The following MTX2 variants were observed in gnomAD, a reference collection of about 807,000 sequenced individuals.
MTX2 encodes the protein metaxin-2.
A neutral mutation model predicts 42.3 loss-of-function variants in MTX2; 35 were observed. The ratio of observed to expected loss-of-function variants is 0.83; its 90% CI spans 0.63 to 1.10. The LOEUF is 1.10. Among genes scored for constraint, MTX2 ranks in the 50% least tolerant of loss-of-function variants. The pLI, the probability that MTX2 is intolerant of heterozygous loss-of-function variation, is 0.00. For synonymous variants in MTX2, 119 were observed against 100.9 expected (o/e 1.18, Z -1.08); for missense variants, 307 against 304.1 (o/e 1.01, Z -0.07).
intron 1 of MTX2, among the ~76,000 whole-genome samples, chr2:176,281,909 A>G (rs1268918453): frequency 6.6e-6 from 1 of 152,080 alleles, no homozygotes; most frequent in East Asian, 1.9e-4. Flanking sequence ...ATTCTCACCA[A>G]AGGCCTATCA....
chr2:176,306,100 T>G (rs1684137433), intron 3 of MTX2, among the ~76,000 whole-genome samples: 1 of 151,644 alleles, frequency 6.6e-6, no homozygotes, highest in Non-Finnish European at 1.5e-5. Context: ...GTGTGTGATG[T>G]TCCCTGCCCT....
intron 1 of MTX2, among the ~76,000 whole-genome samples, chr2:176,294,788 C>G (rs1489638511): frequency 2.0e-5 from 3 of 152,110 alleles, no homozygotes; most frequent in Non-Finnish European, 4.4e-5. Flanking sequence ...TTGTAAAAGC[C>G]AGAAAACATC....
At chr2:176,323,905 T>C (rs1172232112) in intron 4 of MTX2, among the ~76,000 whole-genome samples, 1 of 151,680 alleles carries the variant, frequency 6.6e-6, no homozygotes, top group African/African-American at 2.4e-5. Context: ...TGTCGTTAGA[T>C]CTTGAAGTCA....
At chr2:176,298,726 G>A (rs1683952357) in intron 3 of MTX2, among the ~76,000 whole-genome samples, 1 of 152,108 alleles carries the variant, frequency 6.6e-6, no homozygotes, top group Non-Finnish European at 1.5e-5. Flanking sequence ...GATAACCAAT[G>A]TAAAAGTAAA....
chr2:176,294,491 G>C (rs948802533), intron 1 of MTX2, among the ~76,000 whole-genome samples: 2 of 152,012 alleles, frequency 1.3e-5, no homozygotes, highest in Admixed American at 1.3e-4. Flanking sequence ...TGGCCAGGCT[G>C]GTCTTGAACT....
intron 4 of MTX2, among the ~76,000 whole-genome samples, chr2:176,324,808 A>G (rs1445571154): frequency 6.6e-6 from 1 of 151,782 alleles, no homozygotes; most frequent in Non-Finnish European, 1.5e-5. Context: ...CTTTCATAGG[A>G]GTCTCCTATA....
chr2:176,310,073 C>T (rs778319393), intron 3 of MTX2, among the ~76,000 whole-genome samples: 68 of 152,068 alleles, frequency 4.5e-4, no homozygotes, highest in Non-Finnish European at 5.7e-4. Context: ...TTAGTGCTTC[C>T]TTCAGGAGCT....
chr2:176,300,356 G>T (rs1683991590), intron 3 of MTX2, among the ~76,000 whole-genome samples: 1 of 151,934 alleles, frequency 6.6e-6, no homozygotes, highest in South Asian at 2.1e-4. Flanking sequence ...AAAAGAAATT[G>T]GCAAAATGTA....
At chr2:176,303,178 C>T (rs925951573) in intron 3 of MTX2, among the ~76,000 whole-genome samples, 6 of 151,978 alleles carry the variant, frequency 3.9e-5, no homozygotes, top group Admixed American at 2.0e-4. Context: ...AGTAGGATGA[C>T]ATGAGTGGAC....
Position 176,330,293 on chromosome 2 carries a change from C to T in MTX2, c.544-291C>T, listed in dbSNP as rs1214842330. ...TTAAATGTACTTGTATTTTGAAGGACATTCACTGAGAATTTCTTCCTATTT... is the reference window on the plus strand; with the variant it reads ...TTAAATGTACTTGTATTTTGAAGGATATTCACTGAGAATTTCTTCCTATTT... On this transcript the variant is annotated intron_variant, in intron 8 of 9. Transcript: ENST00000249442. Among the ~76,000 whole-genome samples, 14 of 150,162 alleles carry T rather than the reference C, an allele frequency of 9.3e-5. No individual in the cohort carries two copies. The Admixed American group carries it at 9.3e-4, about 10-fold the overall frequency.
At chr2:176,297,492 G>A (rs1227772551) in intron 2 of MTX2, among the ~76,000 whole-genome samples, 2 of 152,252 alleles carry the variant, frequency 1.3e-5, no homozygotes, top group South Asian at 4.1e-4. Flanking sequence ...TTAACTGCAA[G>A]CTGGTTTTAT....
chr2:176,289,738 T>G (rs1693286722), intron 1 of MTX2, among the ~76,000 whole-genome samples: 1 of 152,104 alleles, frequency 6.6e-6, no homozygotes, highest in South Asian at 2.1e-4. Context: ...GTACAGGAAT[T>G]TCTTTATCAT....
intron 3 of MTX2, among the ~76,000 whole-genome samples, chr2:176,300,959 A>T (rs1447431301): frequency 6.6e-6 from 1 of 152,264 alleles, no homozygotes; most frequent in Admixed American, 6.5e-5. Flanking sequence ...CAATGTTAGT[A>T]AGAGGAATGG....
At chr2:176,289,383 G>C (rs945878347) in intron 1 of MTX2, among the ~76,000 whole-genome samples, 1 of 151,912 alleles carries the variant, frequency 6.6e-6, no homozygotes, top group South Asian at 2.1e-4. Flanking sequence ...TCCCACTAAA[G>C]CCTGAAACCT....
intron 1 of MTX2, among the ~76,000 whole-genome samples, chr2:176,284,366 C>A (rs1480590606): frequency 6.6e-6 from 1 of 152,000 alleles, no homozygotes; most frequent in Admixed American, 6.6e-5. Flanking sequence ...TTTACTTTAC[C>A]TGAGTTATTG....
rs1207416607 is a variant in MTX2 at position 176,313,388 on chromosome 2, C to CTTTTTTT, written c.136-9989_136-9983dup. 3.0e-3 allele frequency among the ~76,000 whole-genome samples: 314 copies of CTTTTTTT among 103,480 alleles called. 8 individuals are homozygous for CTTTTTTT. Among genetic ancestry groups the CTTTTTTT allele is most frequent in the African/African-American group, 0.011 (291 of 25,350 alleles). The allele number at this position is 103,480 out of a possible 152,430, so 67.9% of individuals were successfully genotyped here. ...AACTTCTTATTGTTCTACACTGATT[C>CTTTTTTT]TTTTTTTTTTTTTTTTTTTTTGGAG... On this transcript the variant is annotated intron_variant, in intron 3 of 9. Coordinates refer to ENST00000249442, the MANE Select transcript of MTX2 (RefSeq NM_006554.5).
intron 1 of MTX2, among the ~76,000 whole-genome samples, chr2:176,292,968 A>G (rs1693361349): frequency 6.6e-6 from 1 of 152,194 alleles, no homozygotes. Flanking sequence ...CCTTACGTAT[A>G]TGTGTAATAT....
At chr2:176,315,472 C>A (rs552936042) in intron 3 of MTX2, among the ~76,000 whole-genome samples, 1 of 152,322 alleles carries the variant, frequency 6.6e-6, no homozygotes, top group African/African-American at 2.4e-5. Flanking sequence ...ACCATCATAT[C>A]TTGCCTGGAT....
chr2:176,298,257 G>T (rs1032891953), intron 3 of MTX2, among the ~76,000 whole-genome samples: 1 of 151,754 alleles, frequency 6.6e-6, no homozygotes, highest in Non-Finnish European at 1.5e-5. Flanking sequence ...TTTCTAATTC[G>T]TTAAGATTTA....
Sources: gnomAD v4.1 joint callset for allele counts (sites outside exome capture counted in the v4.1 genomes callset) on GRCh38, gnomAD v4.1.1 for gene constraint, MANE v1.5 for transcripts, NCBI Gene and HGNC (gene_info 2026-07-23, HGNC 2026-07-21) for gene names.